INPP4B: variants seen among roughly 807,000 people sequenced by gnomAD.
The protein encoded by INPP4B is inositol polyphosphate 4-phosphatase type II.
A neutral mutation model predicts 122.5 loss-of-function variants in INPP4B; 55 were observed. The ratio of observed to expected loss-of-function variants is 0.45; its 90% CI spans 0.36 to 0.56. The LOEUF is 0.56. Among genes scored for constraint, INPP4B ranks in the 20% least tolerant of loss-of-function variants. INPP4B has a pLI of 0.00. For missense variants in INPP4B, 1,000 were observed against 1,097.7 expected, an observed-to-expected ratio of 0.91 and a Z score of 1.26; for synonymous variants, 403 against 388.7, an observed-to-expected ratio of 1.04 and a Z score of -0.43.
At chr4:142,306,961 A>G (rs991283716) in intron 8 of INPP4B, among the ~76,000 whole-genome samples, 3 of 152,206 alleles carry the variant, frequency 2.0e-5, no homozygotes, top group Non-Finnish European at 4.4e-5. Flanking sequence ...CTAATGATAA[A>G]CCCAATTAAT....
Position 142,647,271 on chromosome 4 carries a change from ATTG to A in INPP4B, c.-191+78565_-191+78567del, listed in dbSNP as rs748090211. Among the ~76,000 whole-genome samples, 20 of 152,174 alleles carry A rather than the reference ATTG, an allele frequency of 1.3e-4. 1 individual carries two copies. The highest frequency in any genetic ancestry group is 4.1e-4 in the South Asian group (2 of 4,834). On this transcript the variant is annotated intron_variant, in intron 2 of 25. Coordinates refer to ENST00000262992, the MANE Select transcript of INPP4B (RefSeq NM_001101669.3). Reference sequence around the variant, plus strand: ...GAGCAGGGCCTACTGGTTTTTTATCATTGTTGTTGTATCTTCAGGTAAATTTTA... The same window carrying A: ...GAGCAGGGCCTACTGGTTTTTTATCATTGTTGTATCTTCAGGTAAATTTTA...
intron 2 of INPP4B, among the ~76,000 whole-genome samples, chr4:142,506,144 G>T (rs112319902): frequency 0.012 from 1,759 of 152,186 alleles, 31 homozygotes; most frequent in African/African-American, 0.04. Context: ...TGCCATCAAT[G>T]TATACAAGTG....
At chr4:142,090,923 C>CA (rs1463040551) in intron 23 of INPP4B, among the ~76,000 whole-genome samples, 1 of 151,726 alleles carries the variant, frequency 6.6e-6, no homozygotes, top group African/African-American at 2.4e-5. Context: ...CAATATTGAG[C>CA]AAAAAAGCAC....
chr4:142,696,758 G>C (rs1244801218), intron 2 of INPP4B, among the ~76,000 whole-genome samples: 1 of 152,204 alleles, frequency 6.6e-6, no homozygotes, highest in African/African-American at 2.4e-5. Flanking sequence ...AGCCAGTAGA[G>C]AGGCTCAGTA....
intron 1 of INPP4B, among the ~76,000 whole-genome samples, chr4:142,760,915 G>A (rs1461578022): frequency 2.0e-5 from 3 of 151,954 alleles, no homozygotes; most frequent in Admixed American, 6.6e-5. Context: ...TTCCCTGAAC[G>A]TTCTTCCCAA....
At chr4:142,605,972 A>T (rs1741162614) in intron 2 of INPP4B, among the ~76,000 whole-genome samples, 1 of 152,094 alleles carries the variant, frequency 6.6e-6, no homozygotes, top group South Asian at 2.1e-4. Context: ...TATTCAGAAT[A>T]GCAAAGATAC....
At chr4:142,809,518 A>C (rs1387393157) in intron 1 of INPP4B, among the ~76,000 whole-genome samples, 3 of 152,232 alleles carry the variant, frequency 2.0e-5, no homozygotes, top group East Asian at 3.9e-4. Flanking sequence ...CCTCTATAGT[A>C]ATAGGTACCA....
intron 7 of INPP4B, among the ~76,000 whole-genome samples, chr4:142,315,088 G>T (rs1418083393): frequency 6.6e-6 from 1 of 152,150 alleles, no homozygotes; most frequent in Non-Finnish European, 1.5e-5. Flanking sequence ...CTGGTATAGA[G>T]AAAGCAATTC....
At chr4:142,370,799 A>T (rs2148697060) in intron 7 of INPP4B, among the ~76,000 whole-genome samples, 1 of 152,254 alleles carries the variant, frequency 6.6e-6, no homozygotes, top group African/African-American at 2.4e-5. Context: ...ACACAAACAA[A>T]TGGAAAAACA....
intron 18 of INPP4B, among the ~76,000 whole-genome samples, chr4:142,127,115 T>C (rs1417125674): frequency 6.6e-6 from 1 of 152,168 alleles, no homozygotes; most frequent in Non-Finnish European, 1.5e-5. Context: ...CAGAACTACT[T>C]TGCACTTACT....
intron 25 of INPP4B, among the ~76,000 whole-genome samples, chr4:142,068,681 C>G (rs1234186583): frequency 1.3e-5 from 2 of 152,110 alleles, no homozygotes; most frequent in Admixed American, 6.6e-5. Flanking sequence ...GGGTTGCCAT[C>G]CTAGTCTCTG....
chr4:142,593,729 C>G (rs1738056179), intron 2 of INPP4B, among the ~76,000 whole-genome samples: 1 of 151,996 alleles, frequency 6.6e-6, no homozygotes, highest in Non-Finnish European at 1.5e-5. Context: ...CCTTTTATAA[C>G]AATATTATTA....
chr4:142,050,716 CACAA>C (rs541053243), intron 25 of INPP4B, among the ~76,000 whole-genome samples: 126 of 152,136 alleles, frequency 8.3e-4, no homozygotes, highest in African/African-American at 2.5e-3. Flanking sequence ...TTTGTATACA[CACAA>C]ACAAACATGA....
intron 14 of INPP4B, among the ~76,000 whole-genome samples, chr4:142,199,941 C>T (rs1652878594): frequency 6.6e-6 from 1 of 152,012 alleles, no homozygotes; most frequent in Non-Finnish European, 1.5e-5. Context: ...GGAGACTATG[C>T]AAATATCCTT....
chr4:142,617,318 T>C (rs1350166837), intron 2 of INPP4B, among the ~76,000 whole-genome samples: 6 of 152,070 alleles, frequency 3.9e-5, no homozygotes, highest in Non-Finnish European at 7.4e-5. Flanking sequence ...TGTGGAAAGA[T>C]GAACATAGCT....
At chr4:142,459,133 T>C (rs904589963) in intron 3 of INPP4B, among the ~76,000 whole-genome samples, 1 of 152,084 alleles carries the variant, frequency 6.6e-6, no homozygotes, top group Non-Finnish European at 1.5e-5. Context: ...GACATTCCCT[T>C]GGTGTTTGTG....
At chr4:142,168,703 C>A (rs1485655755) in intron 16 of INPP4B, among the ~76,000 whole-genome samples, 1 of 151,578 alleles carries the variant, frequency 6.6e-6, no homozygotes, top group South Asian at 2.1e-4. Context: ...ATATTTATTT[C>A]TGTGGACATG....
At chr4:142,435,554 G>A (rs1050735609) in intron 3 of INPP4B, among the ~76,000 whole-genome samples, 2 of 152,082 alleles carry the variant, frequency 1.3e-5, no homozygotes, top group Non-Finnish European at 2.9e-5. Context: ...AAGCAAAAGA[G>A]CATACAAATC....
At chr4:142,806,278 CAAAAAAAA>C (rs1175185594) in intron 1 of INPP4B, among the ~76,000 whole-genome samples, 13 of 53,610 alleles carry the variant, frequency 2.4e-4, no homozygotes, top group Admixed American at 5.8e-4. Context: ...GACTCCGTCT[CAAAAAAAA>C]AAAAAAAAAA....
Sources: allele counts gnomAD v4.1 joint callset (sites outside exome capture counted in the v4.1 genomes callset), GRCh38; gene constraint gnomAD v4.1.1; transcripts MANE v1.5; gene names NCBI Gene and HGNC (gene_info 2026-07-23, HGNC 2026-07-21).